STARD10: variants seen among roughly 807,000 people sequenced by gnomAD.
The protein encoded by STARD10 is StAR related lipid transfer domain containing 10.
Under a neutral mutation model 36.0 loss-of-function variants are expected in STARD10, and 24 were observed. That is an observed-to-expected ratio of 0.67 (90% CI 0.48 to 0.94). The LOEUF (loss-of-function observed/expected upper bound fraction) is 0.94, where lower values mean the gene tolerates loss of function less well. STARD10 is among the 40% of genes least tolerant of loss of function. The pLI is 0.00. For synonymous variants in STARD10, 156 were observed against 161.9 expected (o/e 0.96, Z 0.28); for missense variants, 335 against 396.6 (o/e 0.84, Z 1.32).
intron 3 of STARD10, 78 bp from the exon 4 acceptor site, chr11:72,758,711 T>G: frequency 4.9e-6 from 5 of 1,014,196 alleles, no homozygotes; most frequent in Non-Finnish European, 7.4e-6. Context: ...AGGCCAGAGA[T>G]GCAGGGATGC....
chr11:72,759,253 A>C lies in STARD10; in HGVS notation c.336T>G (p.Ala112=), dbSNP rs1343152428. 1.9e-6 allele frequency: 3 copies of C among 1,614,064 alleles called. No homozygotes were observed. Among genetic ancestry groups the C allele is most frequent in the Admixed American group, 3.3e-5 (2 of 60,002 alleles). Reference sequence around the variant, plus strand: ...GCTCACAGGAGTAATAGCCCACGTCAGCGTTGACTGTCAAGCGGGCGATGT... The same window carrying C: ...GCTCACAGGAGTAATAGCCCACGTCCGCGTTGACTGTCAAGCGGGCGATGT... The part of the protein sequence containing the change: ...TFDIARLTVN[A]DVGYYSWRCP... Residue 112 remains alanine (A), a synonymous_variant, in exon 3 of 7, where the codon GCT becomes GCG. Transcript: ENST00000334805.
intron 2 of STARD10, among the ~76,000 whole-genome samples, chr11:72,761,923 T>C (rs1441157073): frequency 2.3e-5 from 3 of 130,996 alleles, no homozygotes; most frequent in Non-Finnish European, 3.3e-5. Flanking sequence ...TTTTCTTTTT[T>C]TTTTTTTTTT....
intron 2 of STARD10, among the ~76,000 whole-genome samples, chr11:72,770,307 C>T: frequency 6.6e-6 from 1 of 152,220 alleles, no homozygotes; most frequent in East Asian, 1.9e-4. Flanking sequence ...CAACCTCTGC[C>T]TCCCAGGCTC....
chr11:72,771,106 C>T (rs1453356155), intron 2 of STARD10, among the ~76,000 whole-genome samples: 13 of 152,178 alleles, frequency 8.5e-5, no homozygotes, highest in African/African-American at 3.1e-4. Flanking sequence ...TAAATGGTGG[C>T]TCAGAAAAGT....
At chr11:72,779,006 C>T (rs1359507840) in intron 2 of STARD10, among the ~76,000 whole-genome samples, 1 of 152,174 alleles carries the variant, frequency 6.6e-6, no homozygotes, top group African/African-American at 2.4e-5. Flanking sequence ...AGCCTGGCCC[C>T]AGACCCACCA....
intron 2 of STARD10, among the ~76,000 whole-genome samples, chr11:72,766,832 G>A (rs867475892): frequency 6.6e-6 from 1 of 152,194 alleles, no homozygotes; most frequent in Non-Finnish European, 1.5e-5. Flanking sequence ...CACACACACA[G>A]ACAGGTGGAC....
intron 1 of STARD10, among the ~76,000 whole-genome samples, chr11:72,792,374 G>A (rs1258516243): frequency 6.6e-6 from 1 of 152,036 alleles, no homozygotes; most frequent in Non-Finnish European, 1.5e-5. Flanking sequence ...TATCTTGAAG[G>A]ATCTTGGATT....
intron 2 of STARD10, among the ~76,000 whole-genome samples, chr11:72,779,804 C>T (rs548110207): frequency 6.6e-6 from 1 of 151,986 alleles, no homozygotes; most frequent in African/African-American, 2.4e-5. Context: ...GAAGGGGAGG[C>T]AGAAAGTGAA....
chr11:72,770,040 C>A (rs1057047279), intron 2 of STARD10, among the ~76,000 whole-genome samples: 1 of 152,154 alleles, frequency 6.6e-6, no homozygotes, highest in African/African-American at 2.4e-5. Flanking sequence ...AACTAGTACC[C>A]GTGACATGGT....
intron 2 of STARD10, among the ~76,000 whole-genome samples, chr11:72,761,300 T>C (rs1858713517): frequency 6.6e-6 from 1 of 152,106 alleles, no homozygotes; most frequent in African/African-American, 2.4e-5. Context: ...TGGCAGGACA[T>C]AACAACCACA....
intron 2 of STARD10, among the ~76,000 whole-genome samples, chr11:72,777,333 G>A (rs966255774): frequency 1.2e-4 from 18 of 152,256 alleles, no homozygotes; most frequent in African/African-American, 4.1e-4. Flanking sequence ...GGCTCTTGGA[G>A]CCAAGAGGGC....
intron 2 of STARD10, among the ~76,000 whole-genome samples, chr11:72,764,319 T>C (rs1858757403): frequency 6.6e-6 from 1 of 152,184 alleles, no homozygotes; most frequent in African/African-American, 2.4e-5. Flanking sequence ...GACCCACCTC[T>C]GGGACAGAGG....
chr11:72,776,380 GC>G (rs925831528), intron 2 of STARD10, among the ~76,000 whole-genome samples: 7 of 152,214 alleles, frequency 4.6e-5, no homozygotes, highest in African/African-American at 1.7e-4. Flanking sequence ...ATGAAGTCAT[GC>G]GCCTGCCACC....
chr11:72,769,031 C>G (rs957253373), intron 2 of STARD10, among the ~76,000 whole-genome samples: 1 of 152,082 alleles, frequency 6.6e-6, no homozygotes, highest in Admixed American at 6.5e-5. Context: ...TTGTAGATCT[C>G]TATAACACAA....
intron 2 of STARD10, among the ~76,000 whole-genome samples, chr11:72,759,998 C>T (rs915510752): frequency 6.6e-6 from 1 of 151,834 alleles, no homozygotes; most frequent in Non-Finnish European, 1.5e-5. Context: ...GCAACCTCTG[C>T]CTCCCGGGTT....
intron 2 of STARD10, among the ~76,000 whole-genome samples, chr11:72,772,513 T>TGG: frequency 6.6e-6 from 1 of 152,174 alleles, no homozygotes; most frequent in African/African-American, 2.4e-5. Flanking sequence ...GCAGCCCCTC[T>TGG]TCACTGCCCA....
intron 1 of STARD10, among the ~76,000 whole-genome samples, chr11:72,784,983 G>A (rs1481328623): frequency 6.6e-6 from 1 of 152,208 alleles, no homozygotes; most frequent in East Asian, 1.9e-4. Flanking sequence ...CAAGTCAGAA[G>A]CCCTAAGGGG....
intron 2 of STARD10, chr11:72,780,616 A>C (rs1336363182): frequency 5.2e-6 from 2 of 381,828 alleles, no homozygotes; most frequent in Admixed American, 3.7e-5. Context: ...TCCCACCTGG[A>C]GTAACTCAAG....
chr11:72,785,250 C>G (rs762101286), intron 1 of STARD10, among the ~76,000 whole-genome samples: 1 of 151,868 alleles, frequency 6.6e-6, no homozygotes, highest in Non-Finnish European at 1.5e-5. Context: ...AAAGATCCTA[C>G]TAGCAGGGAC....
Sources: allele counts gnomAD v4.1 joint callset (sites outside exome capture counted in the v4.1 genomes callset), GRCh38; gene constraint gnomAD v4.1.1; transcripts MANE v1.5; gene names NCBI Gene and HGNC (gene_info 2026-07-23, HGNC 2026-07-21).